The following ZNF554 variants were observed in gnomAD, a reference collection of about 807,000 sequenced individuals.
ZNF554 encodes zinc finger protein 554.
A neutral mutation model predicts 21.2 loss-of-function variants in ZNF554; 15 were observed. That is an observed-to-expected ratio of 0.71 (90% CI 0.47 to 1.09). The LOEUF (loss-of-function observed/expected upper bound fraction) is 1.09, where lower values mean the gene tolerates loss of function less well. ZNF554 is among the 50% of genes least tolerant of loss of function. ZNF554 has a pLI of 0.00. For synonymous variants in ZNF554, 258 were observed against 251.4 expected (o/e 1.03, Z -0.25); for missense variants, 691 against 662.7 (o/e 1.04, Z -0.47).
chr19:2,825,190 A>G (rs1368972563), intron 2 of ZNF554, among the ~76,000 whole-genome samples: 2 of 151,830 alleles, frequency 1.3e-5, no homozygotes, highest in African/African-American at 4.8e-5. Flanking sequence ...TTTTTGTATT[A>G]TTAGTAGAGA....
intron 2 of ZNF554, among the ~76,000 whole-genome samples, chr19:2,824,963 G>A (rs1013205723): frequency 2.5e-4 from 36 of 146,078 alleles, no homozygotes; most frequent in African/African-American, 8.5e-4. Context: ...TTGTCCTTCT[G>A]TGTCTGGCTT....
Position 2,820,684 on chromosome 19 carries a change from C to CTTTTTTTTTTTTTTT in ZNF554, c.53+562_53+576dup, listed in dbSNP as rs762586098. Among the ~76,000 whole-genome samples the CTTTTTTTTTTTTTTT allele has an allele frequency of 1.4e-4, 14 of 103,178 alleles. 1 individual carries two copies. The highest frequency in any genetic ancestry group is 6.4e-4 in the East Asian group (2 of 3,134). The allele number at this position is 103,178 out of a possible 152,430, so 67.7% of individuals were successfully genotyped here. On this transcript the variant is annotated intron_variant, in intron 1 of 4. Coordinates refer to ENST00000317243, the MANE Select transcript of ZNF554 (RefSeq NM_001102651.2). Reference sequence around the variant, plus strand: ...TCCTGGTGATAAGACAGCAAGGGTCCTTTTTTTTTTTTTTTTGAGACGGAG... The same window carrying CTTTTTTTTTTTTTTT: ...TCCTGGTGATAAGACAGCAAGGGTCCTTTTTTTTTTTTTTTTTTTTTTTTTTTTTTTGAGACGGAG...
intron 3 of ZNF554, among the ~76,000 whole-genome samples, chr19:2,829,743 C>T: frequency 6.6e-6 from 1 of 152,066 alleles, no homozygotes. Flanking sequence ...TTTAAGTGTG[C>T]AGTTCAGTGG....
In ZNF554 at chr19:2,835,482, A is replaced by C. The variant is rs2087487804; in HGVS notation, c.*630A>C. The C allele has an allele frequency of 6.6e-6, 1 of 151,732 alleles. No individual in the cohort carries two copies. 9.4% of individuals were successfully genotyped at this position (151,732 alleles called of 1,614,324 possible). A position where few individuals can be genotyped will look rare whatever the true frequency, so the allele number is the denominator to read the frequency against. ...GCGAGACTCCGTCTCAAAAAAAAAA[A>C]AAAAATTATAGAGTTGGGGTCTTGC... On this transcript the variant is annotated 3_prime_UTR_variant, in exon 5 of 5. Transcript: ENST00000317243.
chr19:2,834,409 A>T lies in ZNF554; in HGVS notation c.1174A>T (p.Ile392Phe). Residue 392 changes from isoleucine to phenylalanine, a missense_variant, in exon 5 of 5, where the codon ATC becomes TTC. By Grantham distance (21) the Ile-to-Phe change is conservative. Coordinates refer to ENST00000317243, the MANE Select transcript of ZNF554 (RefSeq NM_001102651.2). ...CGECGKAFNRISSLTQHQRIH... is the reference protein window; with the variant it reads ...CGECGKAFNRFSSLTQHQRIH... ...TGAGTGCGGGAAAGCCTTCAACAGGATCTCATCGCTGACTCAGCATCAGAG... is the reference window on the plus strand; with the variant it reads ...TGAGTGCGGGAAAGCCTTCAACAGGTTCTCATCGCTGACTCAGCATCAGAG... The T allele has an allele frequency of 6.2e-7, 1 of 1,613,894 alleles. No individual in the cohort carries two copies. Among genetic ancestry groups the T allele is most frequent in the Non-Finnish European group, 8.5e-7 (1 of 1,179,988 alleles).
chr19:2,829,551 C>T (rs949284166), intron 3 of ZNF554, among the ~76,000 whole-genome samples: 12 of 151,980 alleles, frequency 7.9e-5, no homozygotes, highest in African/African-American at 2.4e-4. Flanking sequence ...GCAGGAGAAT[C>T]GCTTGAACCC....
chr19:2,827,209 G>A (rs1175730185), intron 2 of ZNF554, among the ~76,000 whole-genome samples: 1 of 152,194 alleles, frequency 6.6e-6, no homozygotes, highest in Non-Finnish European at 1.5e-5. Flanking sequence ...AGATGAGGAG[G>A]CTGTGTCCTG....
chr19:2,829,952 TC>T (rs1486007951), intron 3 of ZNF554, among the ~76,000 whole-genome samples: 3 of 152,062 alleles, frequency 2.0e-5, no homozygotes, highest in Non-Finnish European at 4.4e-5. Context: ...TGAGACGGAG[TC>T]TCGCTCTGTC....
intron 2 of ZNF554, among the ~76,000 whole-genome samples, chr19:2,825,194 G>C (rs145386494): frequency 0.03 from 4,596 of 152,144 alleles, 86 homozygotes; most frequent in Middle Eastern, 0.071. Context: ...TGTATTATTA[G>C]TAGAGACGGG....
intron 3 of ZNF554, 52 bp downstream of exon 3, chr19:2,827,795 G>A (rs779524413): frequency 1.9e-6 from 3 of 1,605,598 alleles, no homozygotes; most frequent in Non-Finnish European, 1.7e-6. Flanking sequence ...TTTATCTGGT[G>A]TATTAGTCTG....
rs762586098 is a variant in ZNF554 at position 2,820,684 on chromosome 19, C to CTTTTTTTTTTTTT, written c.53+564_53+576dup. Reference sequence around the variant, plus strand: ...TCCTGGTGATAAGACAGCAAGGGTCCTTTTTTTTTTTTTTTTGAGACGGAG... The same window carrying CTTTTTTTTTTTTT: ...TCCTGGTGATAAGACAGCAAGGGTCCTTTTTTTTTTTTTTTTTTTTTTTTTTTTTGAGACGGAG... On this transcript the variant is annotated intron_variant, in intron 1 of 4. Transcript: ENST00000317243. Among the ~76,000 whole-genome samples the CTTTTTTTTTTTTT allele has an allele frequency of 1.1e-3, 118 of 103,132 alleles. 11 individuals carry two copies. The highest frequency in any genetic ancestry group is 3.7e-3 in the African/African-American group (97 of 26,130). The allele number at this position is 103,132 out of a possible 152,430, so 67.7% of individuals were successfully genotyped here. A position where few individuals can be genotyped will look rare whatever the true frequency, so the allele number is the denominator to read the frequency against.
Position 2,834,304 on chromosome 19 carries a change from T to A in ZNF554, c.1069T>A (p.Cys357Ser). 6.2e-7 allele frequency: 1 copy of A among 1,613,642 alleles called. No homozygotes were observed. Among genetic ancestry groups the A allele is most frequent in the South Asian group, 1.1e-5 (1 of 91,066 alleles). The change falls in exon 5 of 5, where the codon TGT (cysteine) becomes AGT (serine). Residue 357 changes from cysteine (C) to serine (S), a missense_variant. Physicochemically the swap from Cys to Ser is moderately radical, Grantham distance 112. Transcript: ENST00000317243. Reference sequence around the variant, plus strand: ...GGAGAAACCCTACGAGTGTCAGGAGTGTGGGCGAGCCTTTACGCACAGCTC... The same window carrying A: ...GGAGAAACCCTACGAGTGTCAGGAGAGTGGGCGAGCCTTTACGCACAGCTC... The part of the protein sequence containing the change: ...TGEKPYECQE[C>S]GRAFTHSSTL...
At chr19:2,820,952 C>T (rs1244910252) in intron 1 of ZNF554, among the ~76,000 whole-genome samples, 1 of 151,600 alleles carries the variant, frequency 6.6e-6, no homozygotes, top group Admixed American at 6.6e-5. Context: ...GCGTGAGCCA[C>T]CGCGCAGCTG....
In ZNF554 at chr19:2,827,637, C is replaced by T. The variant is rs769827968; in HGVS notation, c.147C>T (p.Asp49=). ...TCTAGGAATTAGTAACCTTTGAGGACGTGTCCATGGACTTCTCCCAGGAGG... is the reference window on the plus strand; with the variant it reads ...TCTAGGAATTAGTAACCTTTGAGGATGTGTCCATGGACTTCTCCCAGGAGG... The part of the protein sequence containing the change: ...RWSQELVTFE[D]VSMDFSQEEW... Residue 49 remains aspartate (D), a synonymous_variant, in exon 3 of 5, where the codon GAC becomes GAT. Transcript: ENST00000317243. 19 of 1,613,778 alleles carry T rather than the reference C, an allele frequency of 1.2e-5. No homozygotes were observed. The East Asian group carries it at 2.2e-4, about 19-fold the overall frequency.
rs768695170 is a variant in ZNF554, at chr19:2,836,689, T to C, written c.*1837T>C. On this transcript the variant is annotated 3_prime_UTR_variant, in exon 5 of 5. Coordinates refer to ENST00000317243, the MANE Select transcript of ZNF554 (RefSeq NM_001102651.2). ...TAATCATTTTGACAATGAATACAAATCAAATAGCACCCAAAATTGTGAAGG... is the reference window on the plus strand; with the variant it reads ...TAATCATTTTGACAATGAATACAAACCAAATAGCACCCAAAATTGTGAAGG... 3.3e-5 allele frequency among the ~76,000 whole-genome samples: 5 copies of C among 152,206 alleles called. No homozygotes were observed. Among genetic ancestry groups the C allele is most frequent in the Non-Finnish European group, 5.9e-5 (4 of 68,038 alleles).
At chr19:2,825,666 C>G (rs1248997896) in intron 2 of ZNF554, among the ~76,000 whole-genome samples, 1 of 152,026 alleles carries the variant, frequency 6.6e-6, no homozygotes, top group African/African-American at 2.4e-5. Flanking sequence ...CTCCTGGGCT[C>G]AAACAGAGTC....
In ZNF554 at chr19:2,827,691, G is replaced by T; in HGVS notation, c.201G>T (p.Lys67Asn). 1 of 1,614,148 alleles carries T rather than the reference G, an allele frequency of 6.2e-7. No homozygotes were observed. The highest frequency in any genetic ancestry group is 1.1e-5 in the South Asian group (1 of 91,076). Reference protein sequence around the residue: ...EEWELLEPAQKNLYREVMLEN... With the variant: ...EEWELLEPAQNNLYREVMLEN... ...GGGAGTTGCTGGAGCCTGCTCAGAA[G>T]AACCTGTACAGAGAGGTGATGCTGG... is the stretch of plus-strand genomic sequence containing the variant. Residue 67 changes from lysine (K) to asparagine (N), a missense_variant, in exon 3 of 5, where the codon AAG (lysine) becomes AAT (asparagine). Physicochemically the swap from Lys to Asn is moderately conservative, Grantham distance 94 (BLOSUM62 0). Transcript: ENST00000317243.
In ZNF554 at chr19:2,821,561, G is replaced by A. The variant is rs981156183; in HGVS notation, c.53+1437G>A. On this transcript the variant is annotated intron_variant, in intron 1 of 4. Coordinates refer to ENST00000317243, the MANE Select transcript of ZNF554 (RefSeq NM_001102651.2). This position sits in a 1 kb window ranked among gnomAD's most constrained non-coding sequence, Gnocchi z 8.2. ...TCTTCTCTGTCTCTTCCAGCTTCTG[G>A]GGGTGGCCTGCCATAGTTGGTGTCC... 2.0e-5 allele frequency among the ~76,000 whole-genome samples: 3 copies of A among 151,964 alleles called. No individual in the cohort carries two copies. The highest frequency in any genetic ancestry group is 6.5e-5 in the Admixed American group (1 of 15,274).
In ZNF554 at chr19:2,834,575, ACCGTT is replaced by A; in HGVS notation, c.1343_1347del (p.Arg448LeufsTer16). On this transcript the variant is annotated frameshift_variant, in exon 5 of 5. Transcript: ENST00000317243. LOFTEE classifies it low-confidence loss of function (END_TRUNC). ...AGTGAATGTGGAAAGGCCTTCAGTG[ACCGTT>A]CCTCTCTCAACCAGCACGAGCGAAC... 6.2e-7 allele frequency: 1 copy of A among 1,614,128 alleles called. No individual in the cohort carries two copies. The highest frequency in any genetic ancestry group is 8.5e-7 in the Non-Finnish European group (1 of 1,180,024).
Sources: allele counts gnomAD v4.1 joint callset (sites outside exome capture counted in the v4.1 genomes callset), GRCh38; gene constraint gnomAD v4.1.1; non-coding constraint Gnocchi (gnomAD v3.1); transcripts MANE v1.5; gene names NCBI Gene and HGNC (gene_info 2026-07-23, HGNC 2026-07-21).